SDC4: variants seen among roughly 807,000 people sequenced by gnomAD.
SDC4 encodes syndecan 4.
Under a neutral mutation model 20.5 loss-of-function variants are expected in SDC4, and 17 were observed. The ratio of observed to expected loss-of-function variants is 0.83; its 90% confidence interval spans 0.57 to 1.25. The LOEUF (loss-of-function observed/expected upper bound fraction) is 1.25. SDC4 is among the 50% of genes most tolerant of loss of function. The probability of loss-of-function intolerance (pLI) is 0.00; values close to 1 mark genes in which losing one functional copy is unlikely to be tolerated. For synonymous variants in SDC4, 107 were observed against 105.3 expected (o/e 1.02, Z -0.10); for missense variants, 241 against 252.3 (o/e 0.96, Z 0.30).
chr20:45,344,154 G>A (rs968673122), intron 1 of SDC4, among the ~76,000 whole-genome samples: 2 of 152,136 alleles, frequency 1.3e-5, no homozygotes, highest in Non-Finnish European at 2.9e-5. Flanking sequence ...GCCTTAAAGA[G>A]GAAAAAAGTA....
chr20:45,339,690 C>T lies in SDC4; in HGVS notation c.61-3770G>A, dbSNP rs536278591. 5.6e-4 allele frequency among the ~76,000 whole-genome samples: 85 copies of T among 152,260 alleles called. 2 individuals are homozygous for T. The South Asian group carries it at 8.7e-3, about 16-fold the overall frequency. ...AGGAGGTCGAGGTTGCAGTGAGCTA[C>T]GATCGTGCCACTGCACTCCAGCCTG... On this transcript the variant is annotated intron_variant, in intron 1 of 4. Transcript: ENST00000372733.
intron 1 of SDC4, among the ~76,000 whole-genome samples, chr20:45,339,821 C>T (rs1308551576): frequency 6.6e-6 from 1 of 152,138 alleles, no homozygotes; most frequent in East Asian, 1.9e-4. Context: ...GGGATTAGTG[C>T]CTGGGGGTTT....
At chr20:45,335,238 C>T (rs1404713320) in intron 2 of SDC4, among the ~76,000 whole-genome samples, 1 of 151,764 alleles carries the variant, frequency 6.6e-6, no homozygotes, top group African/African-American at 2.4e-5. Context: ...AGTGCAGTAG[C>T]ATGATCTTGG....
At chr20:45,339,815 T>G (rs1473630563) in intron 1 of SDC4, among the ~76,000 whole-genome samples, 2 of 152,148 alleles carry the variant, frequency 1.3e-5, no homozygotes, top group Non-Finnish European at 2.9e-5. Flanking sequence ...GGATCTGGGA[T>G]TAGTGCCTGG....
At chr20:45,332,570 C>T (rs1987794625) in intron 3 of SDC4, among the ~76,000 whole-genome samples, 1 of 152,092 alleles carries the variant, frequency 6.6e-6, no homozygotes, top group Non-Finnish European at 1.5e-5. Flanking sequence ...CAGCAACCTA[C>T]AAAATGAGCC....
chr20:45,327,464 A>T, intron 4 of SDC4, 49 bp from the exon 5 acceptor site: 1 of 1,577,466 alleles, frequency 6.3e-7, no homozygotes, highest in Non-Finnish European at 8.7e-7. Flanking sequence ...CCTCATCAGG[A>T]CCTAAGGATG....
chr20:45,331,778 G>T (rs6094129), intron 3 of SDC4, among the ~76,000 whole-genome samples: 114,200 of 151,830 alleles, frequency 0.75, 43,078 homozygotes, highest in East Asian at 0.95. Context: ...AAAAGGGGAG[G>T]AGCCCCTAGT....
At chr20:45,330,680 T>C (rs1440097553) in intron 3 of SDC4, 116 bp from the exon 4 acceptor site, 2 of 880,174 alleles carry the variant, frequency 2.3e-6, no homozygotes, top group Admixed American at 2.2e-5. Flanking sequence ...AGCTGAACCA[T>C]ATGGTCCTGG....
intron 1 of SDC4, among the ~76,000 whole-genome samples, chr20:45,346,157 C>T (rs1988028781): frequency 6.6e-6 from 1 of 152,180 alleles, no homozygotes; most frequent in Non-Finnish European, 1.5e-5. Flanking sequence ...CCCTGGGCCT[C>T]ACTTTTCTCT....
At position 45,330,382 on chromosome 20, in the gene SDC4, T is replaced by C; in HGVS notation, c.429A>G (p.Arg143=). 1 of 1,614,120 alleles carries C rather than the reference T, an allele frequency of 6.2e-7. No homozygotes were observed. Among genetic ancestry groups the C allele is most frequent in the South Asian group, 1.1e-5 (1 of 91,078 alleles). The stretch of plus-strand genomic sequence containing the variant: ...GGGACTTACCTGCCAGGACCTCCGT[T>C]CTCTCAAAGATGTTGCTGCCCTGCA... The part of the protein sequence containing the change: ...STVQGSNIFE[R]TEVLAALIVG... Residue 143 remains arginine, a synonymous_variant, in exon 4 of 5, where the codon AGA becomes AGG. Transcript: ENST00000372733.
intron 1 of SDC4, among the ~76,000 whole-genome samples, chr20:45,340,780 G>A (rs1000856150): frequency 9.9e-5 from 15 of 152,284 alleles, no homozygotes; most frequent in African/African-American, 3.4e-4. Flanking sequence ...TGGGGAGAGG[G>A]GATGGTGAGT....
intron 1 of SDC4, chr20:45,345,478 GT>G (rs1264658912): frequency 6.6e-6 from 1 of 152,194 alleles, no homozygotes; most frequent in Admixed American, 6.5e-5. Context: ...TTTCGTGGGT[GT>G]TTGATAACTC....
At chr20:45,344,042 G>T (rs2251358) in intron 1 of SDC4, among the ~76,000 whole-genome samples, 4 of 152,204 alleles carry the variant, frequency 2.6e-5, no homozygotes, top group Admixed American at 1.3e-4. Flanking sequence ...GAAGCAAAGA[G>T]GAGTCCTCAC....
intron 1 of SDC4, among the ~76,000 whole-genome samples, chr20:45,340,756 C>T (rs1438838378): frequency 6.6e-6 from 1 of 152,208 alleles, no homozygotes; most frequent in East Asian, 1.9e-4. Flanking sequence ...AATAACTGGG[C>T]AAGCCAAATT....
chr20:45,340,899 C>T (rs1326738918), intron 1 of SDC4, among the ~76,000 whole-genome samples: 1 of 152,234 alleles, frequency 6.6e-6, no homozygotes, highest in Non-Finnish European at 1.5e-5. Flanking sequence ...TTCTTAAGGG[C>T]CAGACATTCC....
At chr20:45,338,146 A>G (rs1357002026) in intron 1 of SDC4, among the ~76,000 whole-genome samples, 1 of 152,188 alleles carries the variant, frequency 6.6e-6, no homozygotes, top group Non-Finnish European at 1.5e-5. Context: ...CAGCCTGTCT[A>G]GGTCCTTTTA....
At chr20:45,336,079 G>A (rs1002252089) in intron 1 of SDC4, among the ~76,000 whole-genome samples, 159 bp from the exon 2 acceptor site, 1 of 152,098 alleles carries the variant, frequency 6.6e-6, no homozygotes, top group African/African-American at 2.4e-5. Context: ...AACTCACCGC[G>A]TGTCCTTAGG....
At chr20:45,332,134 G>A (rs543970715) in intron 3 of SDC4, among the ~76,000 whole-genome samples, 4 of 150,740 alleles carry the variant, frequency 2.7e-5, no homozygotes, top group African/African-American at 9.7e-5. Flanking sequence ...AGTGAAAAAC[G>A]CAGTTCATAG....
At position 45,327,252 on chromosome 20, in the gene SDC4, C is replaced by CTG; in HGVS notation, c.*11_*12insCA. 1.2e-5 allele frequency: 19 copies of CTG among 1,613,952 alleles called. No individual in the cohort carries two copies. Among genetic ancestry groups the CTG allele is most frequent in the Non-Finnish European group, 1.6e-5 (19 of 1,179,924 alleles). On this transcript the variant is annotated 3_prime_UTR_variant, in exon 5 of 5. Transcript: ENST00000372733. The stretch of plus-strand genomic sequence containing the variant: ...CCCCGCTAAAGTCCAAGCCAGTGCC[C>CTG]ACAAGCAAGCTTCACGCGTAGAACT...
Sources: gnomAD v4.1 joint callset for allele counts (sites outside exome capture counted in the v4.1 genomes callset) on GRCh38, gnomAD v4.1.1 for gene constraint, MANE v1.5 for transcripts, NCBI Gene and HGNC (gene_info 2026-07-23, HGNC 2026-07-21) for gene names.